The following INPP4B variants were observed in gnomAD, a reference collection of about 807,000 sequenced individuals.
The protein encoded by INPP4B is inositol polyphosphate 4-phosphatase type II.
INPP4B carries 55 observed loss-of-function variants against 122.5 expected under a neutral mutation model. The ratio of observed to expected loss-of-function variants is 0.45; its 90% CI spans 0.36 to 0.56. The LOEUF is 0.56. Ranked by LOEUF, INPP4B falls within the 20% of genes least tolerant of loss-of-function variation. The pLI is 0.00. For synonymous variants in INPP4B, 403 were observed against 388.7 expected, an observed-to-expected ratio of 1.04 and a Z score of -0.43; for missense variants, 1,000 against 1,097.7, an observed-to-expected ratio of 0.91 and a Z score of 1.26.
At chr4:142,339,038 T>C (rs1360106730) in intron 7 of INPP4B, among the ~76,000 whole-genome samples, 1 of 152,180 alleles carries the variant, frequency 6.6e-6, no homozygotes, top group East Asian at 1.9e-4. Context: ...GGGTAGCTTC[T>C]GACTAGTTGT....
chr4:142,562,094 A>G (rs1580373375), intron 2 of INPP4B, among the ~76,000 whole-genome samples: 1 of 152,182 alleles, frequency 6.6e-6, no homozygotes, highest in East Asian at 1.9e-4. Context: ...AGAGGAAAGA[A>G]GGTTTTAACA....
chr4:142,164,215 C>T (rs1450622731), intron 16 of INPP4B, among the ~76,000 whole-genome samples: 1 of 151,806 alleles, frequency 6.6e-6, no homozygotes, highest in Non-Finnish European at 1.5e-5. Flanking sequence ...TTCTAGTTTT[C>T]TGAATATTAA....
At chr4:142,812,556 AT>A (rs1279025183) in intron 1 of INPP4B, among the ~76,000 whole-genome samples, 1 of 152,206 alleles carries the variant, frequency 6.6e-6, no homozygotes, top group Non-Finnish European at 1.5e-5. Flanking sequence ...TGTAATGGAC[AT>A]AAGCACGTGC....
At chr4:142,622,785 G>C (rs1745256304) in intron 2 of INPP4B, among the ~76,000 whole-genome samples, 1 of 151,878 alleles carries the variant, frequency 6.6e-6, no homozygotes, top group Non-Finnish European at 1.5e-5. Flanking sequence ...TGTTAAAAAA[G>C]ATTTCTGCTG....
chr4:142,185,501 T>C (rs2152991403), intron 15 of INPP4B, among the ~76,000 whole-genome samples: 1 of 152,104 alleles, frequency 6.6e-6, no homozygotes, highest in South Asian at 2.1e-4. Flanking sequence ...AGGCATATTA[T>C]GCATATTAAT....
At chr4:142,350,344 T>C (rs1379572193) in intron 7 of INPP4B, among the ~76,000 whole-genome samples, 2 of 152,002 alleles carry the variant, frequency 1.3e-5, no homozygotes, top group Non-Finnish European at 2.9e-5. Flanking sequence ...AATTTAAAGA[T>C]AAGTCAGAGT....
At chr4:142,178,257 T>G (rs953170066) in intron 15 of INPP4B, among the ~76,000 whole-genome samples, 17 of 152,188 alleles carry the variant, frequency 1.1e-4, no homozygotes, top group African/African-American at 3.9e-4. Context: ...CTTCAAAATA[T>G]ACCCAGAATC....
chr4:142,245,427 T>G (rs1382271236), intron 11 of INPP4B, among the ~76,000 whole-genome samples: 1 of 152,220 alleles, frequency 6.6e-6, no homozygotes, highest in African/African-American at 2.4e-5. Flanking sequence ...TTCAGTTTTC[T>G]ACATACGGCT....
At chr4:142,514,792 C>CTTTTT (rs3078620) in intron 2 of INPP4B, among the ~76,000 whole-genome samples, 24 of 121,788 alleles carry the variant, frequency 2.0e-4, no homozygotes, top group Admixed American at 3.5e-4. Context: ...ACCATGATTT[C>CTTTTT]TTTTTTTTTT....
At chr4:142,053,596 C>CATGGCCG in intron 25 of INPP4B, among the ~76,000 whole-genome samples, 1 of 55,520 alleles carries the variant, frequency 1.8e-5, no homozygotes, top group South Asian at 6.7e-4. Context: ...AGTCATGGCC[C>CATGGCCG]ACTTTCTCAG....
At chr4:142,680,393 A>T (rs1419584107) in intron 2 of INPP4B, among the ~76,000 whole-genome samples, 1 of 151,848 alleles carries the variant, frequency 6.6e-6, no homozygotes, top group Non-Finnish European at 1.5e-5. Flanking sequence ...CTAACATTAT[A>T]ATTTGTTTTA....
intron 21 of INPP4B, among the ~76,000 whole-genome samples, chr4:142,114,263 C>T (rs565774518): frequency 1.3e-5 from 2 of 152,054 alleles, no homozygotes; most frequent in South Asian, 2.1e-4. Flanking sequence ...AATAATGCTG[C>T]TATTAACATG....
At chr4:142,323,417 G>A (rs1770890673) in intron 7 of INPP4B, among the ~76,000 whole-genome samples, 1 of 151,142 alleles carries the variant, frequency 6.6e-6, no homozygotes, top group South Asian at 2.1e-4. Flanking sequence ...AAATAGAAAT[G>A]AGGTTCATTA....
intron 9 of INPP4B, among the ~76,000 whole-genome samples, chr4:142,273,820 C>T (rs1179486111): frequency 6.6e-6 from 1 of 151,750 alleles, no homozygotes; most frequent in East Asian, 1.9e-4. Flanking sequence ...CTCAATTGAA[C>T]TTTGTGGAAA....
intron 2 of INPP4B, among the ~76,000 whole-genome samples, chr4:142,503,432 C>T (rs981330491): frequency 2.0e-5 from 3 of 152,070 alleles, no homozygotes; most frequent in East Asian, 3.9e-4. Flanking sequence ...ATAAACATTA[C>T]AAAATACTGA....
At chr4:142,131,589 T>C (rs1428953610) in intron 18 of INPP4B, among the ~76,000 whole-genome samples, 1 of 152,240 alleles carries the variant, frequency 6.6e-6, no homozygotes, top group African/African-American at 2.4e-5. Context: ...ATTTAACTTA[T>C]AAATGCTGAG....
chr4:142,463,322 T>G (rs1049402295), intron 2 of INPP4B, among the ~76,000 whole-genome samples: 1 of 152,198 alleles, frequency 6.6e-6, no homozygotes, highest in South Asian at 2.1e-4. Context: ...CAGTGCCGCA[T>G]GCTTATGTGA....
intron 17 of INPP4B, among the ~76,000 whole-genome samples, chr4:142,153,615 A>C (rs989606447): frequency 2.0e-5 from 3 of 152,200 alleles, no homozygotes; most frequent in African/African-American, 4.8e-5. Flanking sequence ...ATTATTTTAC[A>C]TAATCATTAC....
intron 5 of INPP4B, among the ~76,000 whole-genome samples, chr4:142,428,278 G>C (rs1808536164): frequency 6.6e-6 from 1 of 150,602 alleles, no homozygotes; most frequent in African/African-American, 2.4e-5. Context: ...CAAAACTTTA[G>C]AAAATATATA....
Sources: allele counts gnomAD v4.1 joint callset (sites outside exome capture counted in the v4.1 genomes callset), GRCh38; gene constraint gnomAD v4.1.1; transcripts MANE v1.5; gene names NCBI Gene and HGNC (gene_info 2026-07-23, HGNC 2026-07-21).